RYR2: variants seen among roughly 807,000 people sequenced by gnomAD.
RYR2 encodes ryanodine receptor 2.
RYR2 carries 227 observed loss-of-function variants against 601.1 expected under a neutral mutation model. That is an observed-to-expected ratio of 0.38 (90% CI 0.34 to 0.42). RYR2 has a LOEUF of 0.42. Among genes scored for constraint, RYR2 ranks in the 10% least tolerant of loss-of-function variants. RYR2 has a pLI of 1.00. For synonymous variants in RYR2, 2,223 were observed against 2,175.1 expected (o/e 1.02, Z -0.61); for missense variants, 4,646 against 6,156.5 (o/e 0.75, Z 8.21).
At chr1:237,711,675 T>C in intron 70 of RYR2, 70 bp from the exon 71 acceptor site, 1 of 741,510 alleles carries the variant, frequency 1.3e-6, no homozygotes, top group South Asian at 1.6e-5. Context: ...ACTTGCAGGT[T>C]CTGTGTAACC....
chr1:237,301,468 C>A (rs1005621761), intron 2 of RYR2, among the ~76,000 whole-genome samples: 6 of 152,156 alleles, frequency 3.9e-5, no homozygotes, highest in African/African-American at 1.4e-4. Flanking sequence ...TTTGTCCTTA[C>A]AATTGCAAAC....
chr1:237,160,690 G>A (rs1294949242), intron 1 of RYR2, among the ~76,000 whole-genome samples: 1 of 151,724 alleles, frequency 6.6e-6, no homozygotes, highest in Non-Finnish European at 1.5e-5. Context: ...TCTTTTCTGG[G>A]AAGGTGAGAT....
chr1:237,190,816 C>T (rs542353359), intron 1 of RYR2, among the ~76,000 whole-genome samples: 19 of 152,220 alleles, frequency 1.2e-4, no homozygotes, highest in South Asian at 4.2e-4. Context: ...CTGAAGATGC[C>T]GAGGGATGAC....
chr1:237,393,551 C>G (rs1702568059), intron 10 of RYR2, among the ~76,000 whole-genome samples: 1 of 152,200 alleles, frequency 6.6e-6, no homozygotes, highest in Non-Finnish European at 1.5e-5. Context: ...GGAGGAAGCT[C>G]TTAAAGCTAT....
intron 84 of RYR2, among the ~76,000 whole-genome samples, chr1:237,766,805 G>A (rs145047339): frequency 5.5e-4 from 84 of 152,218 alleles, no homozygotes; most frequent in African/African-American, 1.9e-3. Flanking sequence ...TCTGTTATCC[G>A]TGGGACAAAC....
At chr1:237,760,834 T>TA in intron 83 of RYR2, 121 bp from the exon 84 acceptor site, 1 of 683,606 alleles carries the variant, frequency 1.5e-6, no homozygotes, top group Non-Finnish European at 2.6e-6. Context: ...AGACATGTTT[T>TA]CAGTGTACGT....
chr1:237,375,601 C>G (rs1700963336), intron 7 of RYR2, among the ~76,000 whole-genome samples: 1 of 152,054 alleles, frequency 6.6e-6, no homozygotes, highest in East Asian at 1.9e-4. Context: ...AAGGTGAAAA[C>G]AAAGCTATGT....
chr1:237,199,138 G>T (rs1027017051), intron 1 of RYR2, among the ~76,000 whole-genome samples: 1 of 152,180 alleles, frequency 6.6e-6, no homozygotes, highest in African/African-American at 2.4e-5. Flanking sequence ...TTGCTATCAG[G>T]ATAGAGGTGC....
At chr1:237,130,287 A>G (rs188110764) in intron 1 of RYR2, among the ~76,000 whole-genome samples, 4 of 152,354 alleles carry the variant, frequency 2.6e-5, no homozygotes, top group Admixed American at 1.3e-4. Flanking sequence ...GGAAAATGTG[A>G]AATTCAAAGC....
chr1:237,745,029 C>T (rs1213472416), intron 80 of RYR2, among the ~76,000 whole-genome samples: 1 of 151,914 alleles, frequency 6.6e-6, no homozygotes, highest in African/African-American at 2.4e-5. Context: ...TCTTTATCTC[C>T]TGACCTCATG....
chr1:237,243,696 C>T (rs1686460348), intron 1 of RYR2, among the ~76,000 whole-genome samples: 1 of 152,116 alleles, frequency 6.6e-6, no homozygotes, highest in South Asian at 2.1e-4. Flanking sequence ...TAGAGTCCTG[C>T]CTTGGGGCAG....
chr1:237,324,178 T>A (rs1695920415), intron 2 of RYR2, among the ~76,000 whole-genome samples: 1 of 152,208 alleles, frequency 6.6e-6, no homozygotes, highest in Non-Finnish European at 1.5e-5. Flanking sequence ...CAGTATTTCC[T>A]ACGAGTCAAT....
intron 1 of RYR2, among the ~76,000 whole-genome samples, chr1:237,167,387 T>TTA (rs1676828997): frequency 6.6e-6 from 1 of 152,200 alleles, no homozygotes; most frequent in Non-Finnish European, 1.5e-5. Context: ...GTCCCACTCT[T>TTA]CTTAGAGGGC....
At chr1:237,136,487 A>G (rs2148729548) in intron 1 of RYR2, among the ~76,000 whole-genome samples, 1 of 152,278 alleles carries the variant, frequency 6.6e-6, no homozygotes, top group African/African-American at 2.4e-5. Context: ...CAGAATCCCA[A>G]CCAGCATGTG....
chr1:237,785,310 A>T lies in RYR2; in HGVS notation c.13260+338A>T, dbSNP rs1359880034. Among the ~76,000 whole-genome samples, 3 of 152,154 alleles carry T rather than the reference A, an allele frequency of 2.0e-5. No homozygotes were observed. The East Asian group carries it at 5.8e-4, about 29-fold the overall frequency. ...GTAAGTGGCATTATTCTCACAGAGC[A>T]TTGAAATTTTCTCCTCTGTTCTGTG... On this transcript the variant is annotated intron_variant, in intron 90 of 104. Transcript: ENST00000366574.
At chr1:237,710,002 G>T (rs1405970677) in intron 70 of RYR2, among the ~76,000 whole-genome samples, 1 of 152,172 alleles carries the variant, frequency 6.6e-6, no homozygotes, top group Non-Finnish European at 1.5e-5. Flanking sequence ...AAGGAATTTA[G>T]TTTGGCTCAC....
intron 101 of RYR2, among the ~76,000 whole-genome samples, chr1:237,823,267 C>G (rs1662719510): frequency 6.6e-6 from 1 of 152,100 alleles, no homozygotes; most frequent in South Asian, 2.1e-4. Flanking sequence ...CTAAAATTGA[C>G]CACATAATTG....
chr1:237,414,473 TA>T (rs1489810039), intron 10 of RYR2, among the ~76,000 whole-genome samples: 2 of 152,152 alleles, frequency 1.3e-5, no homozygotes, highest in African/African-American at 4.8e-5. Flanking sequence ...AATCTCTTTT[TA>T]AAAAATTATT....
intron 63 of RYR2, among the ~76,000 whole-genome samples, chr1:237,695,550 T>G (rs1350941660): frequency 6.6e-6 from 1 of 152,198 alleles, no homozygotes; most frequent in Non-Finnish European, 1.5e-5. Flanking sequence ...AGTTGCCACC[T>G]GAAAGTTTTA....
Sources: gnomAD v4.1 joint callset for allele counts (sites outside exome capture counted in the v4.1 genomes callset) on GRCh38, gnomAD v4.1.1 for gene constraint, MANE v1.5 for transcripts, NCBI Gene and HGNC (gene_info 2026-07-23, HGNC 2026-07-21) for gene names.